Variants in GTPBP2 observed in about 807,000 individuals in gnomAD.
The protein encoded by GTPBP2 is GTP binding protein 2, also known as GTP-binding protein 2.
Under a neutral mutation model 63.0 loss-of-function variants are expected in GTPBP2, and 32 were observed. That is an observed-to-expected ratio of 0.51 (90% confidence interval 0.38 to 0.68). The LOEUF (loss-of-function observed/expected upper bound fraction) is 0.68, where lower values mean the gene tolerates loss of function less well. Among genes scored for constraint, GTPBP2 ranks in the 30% least tolerant of loss-of-function variants. The pLI is 0.00. For missense variants in GTPBP2, 492 were observed against 796.9 expected, an observed-to-expected ratio of 0.62 and a Z score of 4.61; for synonymous variants, 310 against 322.6, an observed-to-expected ratio of 0.96 and a Z score of 0.42.
chr6:43,630,908 C>CAAAAA (rs753239311), upstream of GTPBP2, among the ~76,000 whole-genome samples: 113 of 53,346 alleles, frequency 2.1e-3, 3 homozygotes, highest in Middle Eastern at 9.1e-3. Context: ...GACTTCGTCT[C>CAAAAA]AAAAAAAAAA....
At chr6:43,627,984 A>C (rs1196076043) in intron 1 of GTPBP2, among the ~76,000 whole-genome samples, 1 of 152,230 alleles carries the variant, frequency 6.6e-6, no homozygotes, top group Non-Finnish European at 1.5e-5. Context: ...TCCCAAAGTG[A>C]GGTCCTGGGA....
chr6:43,623,775 T>C lies in GTPBP2; in HGVS notation c.1257A>G (p.Val419=), dbSNP rs756147786. The change falls in exon 9 of 12, where the codon GTA becomes GTG. Residue 419 remains valine, a synonymous_variant. Coordinates refer to ENST00000307126, the MANE Select transcript of GTPBP2 (RefSeq NM_019096.5). ...TEFQVDEIYT[V]PEVGTVVGGT... ...CTCCAACAACAGTCCCCACCTCTGG[T>C]ACTGTGTAGATTTCATCCACCTGAA... The C allele has an allele frequency of 6.2e-7, 1 of 1,613,506 alleles. No individual in the cohort carries two copies. Among genetic ancestry groups the C allele is most frequent in the East Asian group, 2.2e-5 (1 of 44,882 alleles).
chr6:43,629,546 A>G (rs555030318), upstream of GTPBP2: 114 of 646,424 alleles, frequency 1.8e-4, 2 homozygotes, highest in South Asian at 1.8e-3. Context: ...CTTGGGGGGA[A>G]TTTAGAGCCT....
Position 43,625,953 on chromosome 6 carries a change from C to T in GTPBP2, c.399-89G>A. 1.0e-6 allele frequency: 1 copy of T among 991,162 alleles called. No individual in the cohort carries two copies. The highest frequency in any genetic ancestry group is 1.6e-6 in the Non-Finnish European group (1 of 620,314). 61.4% of individuals were successfully genotyped at this position (991,162 alleles called of 1,614,324 possible). On this transcript the variant is annotated intron_variant, in intron 3 of 11. Transcript: ENST00000307126. This position sits in a 1 kb window ranked among gnomAD's most constrained non-coding sequence, Gnocchi z 5.1. Reference sequence around the variant, plus strand: ...GGACCTACAGACTTCCTGCACCTCCCACAGAGCTCCCAATACCTTAGTGCA... The same window carrying T: ...GGACCTACAGACTTCCTGCACCTCCTACAGAGCTCCCAATACCTTAGTGCA...
At chr6:43,630,606 G>A (rs1481156734), upstream of GTPBP2, among the ~76,000 whole-genome samples, 17 of 152,130 alleles carry the variant, frequency 1.1e-4, 1 homozygote, top group Admixed American at 1.1e-3. Flanking sequence ...AGCTGGGCGT[G>A]GTGGCGCATG....
upstream of GTPBP2, among the ~76,000 whole-genome samples, chr6:43,630,806 G>A (rs1464206025): frequency 6.7e-6 from 1 of 148,380 alleles, no homozygotes; most frequent in African/African-American, 2.5e-5. Flanking sequence ...CTGCTCGGGA[G>A]ACTGAGGCAG....
Position 43,629,072 on chromosome 6 carries a change from C to T in GTPBP2, c.91G>A (p.Gly31Ser). 6.2e-7 allele frequency: 1 copy of T among 1,603,330 alleles called. No homozygotes were observed. Residue 31 changes from glycine to serine, a missense_variant, in exon 1 of 12, where the codon GGC becomes AGC. Gly to Ser is a moderately conservative substitution (Grantham distance 56). Transcript: ENST00000307126. Reference sequence around the variant, plus strand: ...GGCCCCCCGCAGCCGCTGCTGCTGCCGGCCCCCCTAGCCTTGAGGGTTCCG... The same window carrying T: ...GGCCCCCCGCAGCCGCTGCTGCTGCTGGCCCCCCTAGCCTTGAGGGTTCCG... ...VGGTLKARGA[G>S]SSSGCGGPKG...
rs1355759355 is a variant in GTPBP2 at position 43,629,215 on chromosome 6, T to TCGCCGC, written c.-59_-54dup. ...GCCCCTCCCCCGACCGCCGCCGCCG[T>TCGCCGC]CGCCGCCGCCCTTACTGCCACTGCC... On this transcript the variant is annotated 5_prime_UTR_variant, in exon 1 of 12. Transcript: ENST00000307126. 16 of 1,192,918 alleles carry TCGCCGC rather than the reference T, an allele frequency of 1.3e-5. No homozygotes were observed. Among genetic ancestry groups the TCGCCGC allele is most frequent in the Non-Finnish European group, 6.4e-6 (6 of 940,718 alleles). The allele number at this position is 1,192,918 out of a possible 1,614,324, so 73.9% of individuals were successfully genotyped here.
upstream of GTPBP2, chr6:43,629,699 T>C: frequency 1.9e-6 from 3 of 1,546,418 alleles, no homozygotes; most frequent in Non-Finnish European, 2.6e-6. Flanking sequence ...GAACTGAGGC[T>C]ACTGGTGCCG....
chr6:43,629,830 T>C, upstream of GTPBP2: 1 of 1,530,914 alleles, frequency 6.5e-7, no homozygotes. Context: ...ACGGCTGTTA[T>C]TGTTGGGATG....
At chr6:43,629,744 TC>T (rs1360183469), upstream of GTPBP2, 1 of 1,553,880 alleles carries the variant, frequency 6.4e-7, no homozygotes, top group South Asian at 1.2e-5. Context: ...CTCAGTTTCT[TC>T]CCCTATGGCC....
rs544214009 is a variant in GTPBP2 at position 43,623,918 on chromosome 6, T to G, written c.1236+15A>C. ...CCTGTTTCCCAGCCTATTAGATGTT[T>G]GGGCAGTCAACTACCTGGAACTCCG... is the stretch of plus-strand genomic sequence containing the variant. On this transcript the variant is annotated intron_variant, in intron 8 of 11. Coordinates refer to ENST00000307126, the MANE Select transcript of GTPBP2 (RefSeq NM_019096.5). 5.0e-6 allele frequency: 8 copies of G among 1,613,824 alleles called. No individual in the cohort carries two copies. Among genetic ancestry groups the G allele is most frequent in the Non-Finnish European group, 5.9e-6 (7 of 1,179,770 alleles).
upstream of GTPBP2, among the ~76,000 whole-genome samples, chr6:43,630,741 T>TA (rs200805129): frequency 1.7e-3 from 206 of 118,972 alleles, no homozygotes; most frequent in South Asian, 4.1e-3. Context: ...AGACTCCAAC[T>TA]AAAAAAAAAA....
chr6:43,630,890 CAG>C (rs1561928930), upstream of GTPBP2, among the ~76,000 whole-genome samples: 2 of 106,884 alleles, frequency 1.9e-5, no homozygotes, highest in Non-Finnish European at 3.4e-5. Flanking sequence ...GCCTGGGTGA[CAG>C]AACGAGACTT....
intron 1 of GTPBP2, 153 bp from the exon 2 acceptor site, chr6:43,627,101 C>G (rs539491740): frequency 1.4e-6 from 1 of 717,944 alleles, no homozygotes; most frequent in African/African-American, 1.8e-5. Context: ...CAGTGGCAGA[C>G]AAGATCCTCT....
At position 43,622,155 on chromosome 6, in the gene GTPBP2, C is replaced by T. The variant is rs1768792567; in HGVS notation, c.1480G>A (p.Val494Met). 1 of 1,611,256 alleles carries T rather than the reference C, an allele frequency of 6.2e-7. No individual in the cohort carries two copies. The highest frequency in any genetic ancestry group is 8.5e-7 in the Non-Finnish European group (1 of 1,177,680). ...RALLRKGMVM[V>M]SPEMNPTICS... The stretch of plus-strand genomic sequence containing the variant: ...ATGGTAGGATTCATCTCCGGGCTCA[C>T]CATCACCATGCCCTGGGGAGGAACA... The change falls in exon 11 of 12, where the codon GTG (valine) becomes ATG (methionine). Residue 494 changes from valine to methionine, a missense_variant. Coordinates refer to ENST00000307126, the MANE Select transcript of GTPBP2 (RefSeq NM_019096.5). The surrounding 1 kb of genome is among the most constrained non-coding windows in gnomAD (Gnocchi z 5.4).
chr6:43,623,891 T>A (rs750685958), intron 8 of GTPBP2, 42 bp downstream of exon 8: 31 of 1,613,310 alleles, frequency 1.9e-5, no homozygotes, highest in Non-Finnish European at 2.6e-5. Flanking sequence ...AAGCAGCCCC[T>A]CCCTGTTTCC....
chr6:43,624,546 GCAT>G lies in GTPBP2; in HGVS notation c.1061_1063del (p.Asp354del), dbSNP rs1318272615. The G allele has an allele frequency of 6.2e-7, 1 of 1,613,986 alleles. No individual in the cohort carries two copies. The highest frequency in any genetic ancestry group is 8.5e-7 in the Non-Finnish European group (1 of 1,179,958). On this transcript the variant is annotated inframe_deletion, in exon 7 of 12. Transcript: ENST00000307126. The surrounding 1 kb of genome is among the most constrained non-coding windows in gnomAD (Gnocchi z 5.1). ...AGCAAACTGCTGGGCAGCAGTGACG[GCAT>G]CATCCTCAGAGGTGACCAGCATGGG...
Position 43,626,142 on chromosome 6 carries a change from G to A in GTPBP2, c.398+84C>T, listed in dbSNP as rs56722843. 1.3e-5 allele frequency: 17 copies of A among 1,273,794 alleles called. No individual in the cohort carries two copies. In the Admixed American group the frequency reaches 1.9e-4, roughly 14 times the overall value. The allele number at this position is 1,273,794 out of a possible 1,614,324, so 78.9% of individuals were successfully genotyped here. ...GTCAAGAGAAGGAAAGTCCCACCTT[G>A]GCCCCTCAGGCCCTAGGTAACTGGG... On this transcript the variant is annotated intron_variant, in intron 3 of 11. Coordinates refer to ENST00000307126, the MANE Select transcript of GTPBP2 (RefSeq NM_019096.5). This position sits in a 1 kb window ranked among gnomAD's most constrained non-coding sequence, Gnocchi z 4.0.
Sources: allele counts gnomAD v4.1 joint callset (sites outside exome capture counted in the v4.1 genomes callset), GRCh38; gene constraint gnomAD v4.1.1; non-coding constraint Gnocchi (gnomAD v3.1); transcripts MANE v1.5; gene names NCBI Gene and HGNC (gene_info 2026-07-23, HGNC 2026-07-21).